CDIN1: variants seen among roughly 807,000 people sequenced by gnomAD.
CDIN1 encodes the protein CDAN1-interacting nuclease 1.
Under a neutral mutation model 45.3 loss-of-function variants are expected in CDIN1, and 33 were observed. The observed-to-expected ratio is 0.73, with a 90% CI of 0.55 to 0.97. CDIN1 has a LOEUF of 0.97. Among genes scored for constraint, CDIN1 ranks in the 50% least tolerant of loss-of-function variants. CDIN1 has a pLI of 0.00. For synonymous variants in CDIN1, 118 were observed against 124.4 expected (o/e 0.95, Z 0.34); for missense variants, 303 against 339.4 (o/e 0.89, Z 0.84).
At chr15:36,695,415 T>G (rs1397331362) in intron 7 of CDIN1, among the ~76,000 whole-genome samples, 1 of 152,204 alleles carries the variant, frequency 6.6e-6, no homozygotes, top group East Asian at 1.9e-4. Flanking sequence ...ACACTCCTTT[T>G]CAGACTTTGG....
At chr15:36,720,130 CT>C (rs1321805355) in intron 10 of CDIN1, among the ~76,000 whole-genome samples, 11 of 149,360 alleles carry the variant, frequency 7.4e-5, no homozygotes, top group African/African-American at 2.5e-4. Flanking sequence ...ACATTATTTT[CT>C]TTTTGTGTAT....
chr15:36,771,023 G>C (rs2054063466), intron 10 of CDIN1, among the ~76,000 whole-genome samples: 1 of 152,170 alleles, frequency 6.6e-6, no homozygotes, highest in African/African-American at 2.4e-5. Flanking sequence ...TGGTGCTTAA[G>C]ACTGCTGGAT....
At chr15:36,719,283 T>C (rs759366178) in intron 10 of CDIN1, among the ~76,000 whole-genome samples, 45 of 152,080 alleles carry the variant, frequency 3.0e-4, no homozygotes, top group Non-Finnish European at 6.2e-4. Context: ...CTTTATCAGG[T>C]TGAAGAAACT....
intron 3 of CDIN1, 45 bp from the exon 4 acceptor site, chr15:36,654,039 ACAAGTCTATGCTGG>A: frequency 3.1e-6 from 4 of 1,305,238 alleles, no homozygotes; most frequent in Non-Finnish European, 4.3e-6. Context: ...GGGGATGCTG[ACAAGTCTATGCTGG>A]CCTTTTCTTG....
chr15:36,780,139 G>A (rs150847253), intron 10 of CDIN1, among the ~76,000 whole-genome samples: 1 of 152,224 alleles, frequency 6.6e-6, no homozygotes, highest in African/African-American at 2.4e-5. Flanking sequence ...GTGCCTTTTT[G>A]GGACCTGAGA....
intron 10 of CDIN1, among the ~76,000 whole-genome samples, chr15:36,757,865 C>A (rs6495873): frequency 0.15 from 23,296 of 152,092 alleles, 2,083 homozygotes; most frequent in African/African-American, 0.24. Flanking sequence ...CTCAAATCAT[C>A]ACAGGAAGAG....
At chr15:36,792,930 A>G (rs564146502) in intron 10 of CDIN1, among the ~76,000 whole-genome samples, 27 of 152,008 alleles carry the variant, frequency 1.8e-4, no homozygotes, top group African/African-American at 5.8e-4. Context: ...TGTGTCGTGC[A>G]TGGCCATGAT....
intron 1 of CDIN1, among the ~76,000 whole-genome samples, chr15:36,621,578 T>TA (rs1262704575): frequency 6.6e-6 from 1 of 152,142 alleles, no homozygotes; most frequent in Non-Finnish European, 1.5e-5. Flanking sequence ...TTAGGTCCTT[T>TA]AAAAAAATGT....
intron 5 of CDIN1, among the ~76,000 whole-genome samples, chr15:36,659,913 T>C (rs1414290866): frequency 6.6e-6 from 1 of 151,636 alleles, no homozygotes; most frequent in Non-Finnish European, 1.5e-5. Flanking sequence ...TGGTGCTAGG[T>C]TATCTTCCTT....
At chr15:36,717,547 GTTTA>G (rs1763900871) in intron 10 of CDIN1, among the ~76,000 whole-genome samples, 1 of 152,006 alleles carries the variant, frequency 6.6e-6, no homozygotes. Context: ...CTGTTCCACT[GTTTA>G]TTTATCCATT....
chr15:36,648,195 C>G (rs1174618030), intron 3 of CDIN1, among the ~76,000 whole-genome samples: 3 of 152,020 alleles, frequency 2.0e-5, no homozygotes, highest in African/African-American at 7.2e-5. Context: ...TCAGAGATCT[C>G]TACTGGCATT....
intron 5 of CDIN1, among the ~76,000 whole-genome samples, chr15:36,667,618 A>G (rs192976890): frequency 1.8e-3 from 274 of 152,312 alleles, no homozygotes; most frequent in African/African-American, 5.9e-3. Context: ...CAGAGAATCA[A>G]TAAAACCAAT....
intron 1 of CDIN1, among the ~76,000 whole-genome samples, chr15:36,620,334 A>G (rs1350283984): frequency 3.3e-5 from 5 of 152,104 alleles, no homozygotes; most frequent in African/African-American, 7.2e-5. Flanking sequence ...CTGGGCGACA[A>G]AGCGAAACTC....
intron 5 of CDIN1, among the ~76,000 whole-genome samples, chr15:36,663,421 T>C (rs539990027): frequency 1.1e-4 from 16 of 152,164 alleles, no homozygotes; most frequent in Non-Finnish European, 1.8e-4. Context: ...AAATCTCATC[T>C]TGTAGTTCCC....
At chr15:36,642,512 G>A (rs529750086) in intron 1 of CDIN1, among the ~76,000 whole-genome samples, 2 of 152,244 alleles carry the variant, frequency 1.3e-5, no homozygotes, top group South Asian at 2.1e-4. Context: ...TGCTTCACAG[G>A]CTCTGTCCAT....
chr15:36,672,302 CT>C (rs967062350), intron 5 of CDIN1, among the ~76,000 whole-genome samples: 1 of 151,814 alleles, frequency 6.6e-6, no homozygotes, highest in South Asian at 2.1e-4. Flanking sequence ...AGTAGTTATA[CT>C]TTTTTTATTG....
At chr15:36,613,832 G>C in intron 1 of CDIN1, 2 of 1,600,734 alleles carry the variant, frequency 1.2e-6, no homozygotes, top group Non-Finnish European at 1.7e-6. Context: ...CATTGCAGAA[G>C]AGGCAGATAG....
In CDIN1 at chr15:36,655,420, G is replaced by A. The variant is rs1384071409; in HGVS notation, c.273+1262G>A. On this transcript the variant is annotated intron_variant, in intron 4 of 10. Transcript: ENST00000566621. ...TAGCTCATTGCAACCTCTGCCTCCC[G>A]GGTTCAAGAGATTCTCCTGCTTCAG... Among the ~76,000 whole-genome samples, 6 of 151,400 alleles carry A rather than the reference G, an allele frequency of 4.0e-5. No homozygotes were observed. In the East Asian group the frequency reaches 5.9e-4, roughly 15 times the overall value.
At chr15:36,679,931 G>A (rs2041791049) in intron 5 of CDIN1, among the ~76,000 whole-genome samples, 1 of 152,186 alleles carries the variant, frequency 6.6e-6, no homozygotes, top group African/African-American at 2.4e-5. Context: ...TCTCCACTGA[G>A]CCAAGGCCAA....
Sources: gnomAD v4.1 joint callset for allele counts (sites outside exome capture counted in the v4.1 genomes callset) on GRCh38, gnomAD v4.1.1 for gene constraint, MANE v1.5 for transcripts, NCBI Gene and HGNC (gene_info 2026-07-23, HGNC 2026-07-21) for gene names.